The following ZNF804B variants were observed in gnomAD, a reference collection of about 807,000 sequenced individuals.
ZNF804B encodes the protein zinc finger protein 804B, also known as zinc finger 804B.
In ZNF804B, 80 loss-of-function variants were observed where a neutral mutation model predicts 101.4. The ratio of observed to expected loss-of-function variants is 0.79; its 90% CI spans 0.66 to 0.95. The LOEUF (loss-of-function observed/expected upper bound fraction) is 0.95. Ranked by LOEUF, ZNF804B falls within the 40% of genes least tolerant of loss-of-function variation. ZNF804B has a pLI of 0.00. For synonymous variants in ZNF804B, 622 were observed against 558.8 expected (o/e 1.11, Z -1.59); for missense variants, 1,673 against 1,561.9 (o/e 1.07, Z -1.20).
At chr7:89,130,632 A>G (rs1790533650) in intron 1 of ZNF804B, among the ~76,000 whole-genome samples, 2 of 152,002 alleles carry the variant, frequency 1.3e-5, no homozygotes, top group African/African-American at 2.4e-5. Flanking sequence ...ACATCTCCAA[A>G]TACAGCATTA....
intron 1 of ZNF804B, among the ~76,000 whole-genome samples, chr7:88,841,302 G>A (rs1409940943): frequency 6.6e-6 from 1 of 152,184 alleles, no homozygotes; most frequent in Non-Finnish European, 1.5e-5. Context: ...GACCAACAAT[G>A]TGACTTAGGG....
chr7:89,121,926 A>C (rs551603942), intron 1 of ZNF804B, among the ~76,000 whole-genome samples: 1 of 152,248 alleles, frequency 6.6e-6, no homozygotes, highest in African/African-American at 2.4e-5. Flanking sequence ...TGTAGGCAAT[A>C]GTTATTTGAA....
chr7:88,791,809 T>C (rs1562794435), intron 1 of ZNF804B, among the ~76,000 whole-genome samples: 1 of 152,134 alleles, frequency 6.6e-6, no homozygotes, highest in Non-Finnish European at 1.5e-5. Context: ...TGCTGCGTAA[T>C]CATTCACCCA....
chr7:88,764,140 A>C (rs915839784), intron 1 of ZNF804B, among the ~76,000 whole-genome samples: 1 of 152,212 alleles, frequency 6.6e-6, no homozygotes, highest in Non-Finnish European at 1.5e-5. Context: ...CTGAAATAGC[A>C]TCTCAAGTTT....
At chr7:89,127,277 GAGATGAGTAA>G (rs1418908271) in intron 1 of ZNF804B, among the ~76,000 whole-genome samples, 1 of 151,904 alleles carries the variant, frequency 6.6e-6, no homozygotes, top group Non-Finnish European at 1.5e-5. Context: ...AAAAAGAATT[GAGATGAGTAA>G]TCTTTGTTTG....
intron 1 of ZNF804B, among the ~76,000 whole-genome samples, chr7:89,108,415 T>A: frequency 6.6e-6 from 1 of 152,054 alleles, no homozygotes; most frequent in East Asian, 1.9e-4. Flanking sequence ...GCCATCTACA[T>A]ACATGAGGAG....
At chr7:89,047,024 A>C (rs1248405029) in intron 1 of ZNF804B, among the ~76,000 whole-genome samples, 1 of 152,134 alleles carries the variant, frequency 6.6e-6, no homozygotes, top group East Asian at 1.9e-4. Flanking sequence ...TCCTTAGGGC[A>C]GATAATTTTC....
intron 2 of ZNF804B, among the ~76,000 whole-genome samples, chr7:89,270,875 A>T (rs984083212): frequency 2.0e-5 from 3 of 152,150 alleles, no homozygotes; most frequent in African/African-American, 4.8e-5. Flanking sequence ...TTTGTCTGTT[A>T]TTGGTATATA....
At position 88,868,285 on chromosome 7, in the gene ZNF804B, C is replaced by T. The variant is rs114552462; in HGVS notation, c.108+108201C>T. Among the ~76,000 whole-genome samples the T allele has an allele frequency of 9.6e-3, 1,465 of 152,200 alleles. 18 individuals are homozygous for T. The highest frequency in any genetic ancestry group is 0.024 in the Middle Eastern group (7 of 294). On this transcript the variant is annotated intron_variant, in intron 1 of 3. Coordinates refer to ENST00000333190, the MANE Select transcript of ZNF804B (RefSeq NM_181646.5). ...AACTGGAATTACCTTCTCCAGTCCT[C>T]CTTGCTGCTCATTGAACAGCTCATG...
At chr7:89,210,063 C>T (rs562826067) in intron 1 of ZNF804B, among the ~76,000 whole-genome samples, 3 of 151,488 alleles carry the variant, frequency 2.0e-5, no homozygotes, top group African/African-American at 7.3e-5. Flanking sequence ...GCAGGAGAAT[C>T]GCTTGAACCG....
chr7:88,920,839 A>T (rs1297911568), intron 1 of ZNF804B, among the ~76,000 whole-genome samples: 1 of 152,098 alleles, frequency 6.6e-6, no homozygotes, highest in Non-Finnish European at 1.5e-5. Flanking sequence ...TTAAAATAAA[A>T]ATTAGATATC....
chr7:88,857,979 T>C (rs1265228443), intron 1 of ZNF804B, among the ~76,000 whole-genome samples: 1 of 151,910 alleles, frequency 6.6e-6, no homozygotes, highest in Non-Finnish European at 1.5e-5. Context: ...TGTGCCATCA[T>C]GCCCAGCTAA....
chr7:88,987,722 C>A (rs1793778799), intron 1 of ZNF804B, among the ~76,000 whole-genome samples: 1 of 151,918 alleles, frequency 6.6e-6, no homozygotes, highest in South Asian at 2.1e-4. Context: ...ATTGGGATAT[C>A]CATCACCCAA....
At chr7:88,802,151 C>T (rs1280028550) in intron 1 of ZNF804B, among the ~76,000 whole-genome samples, 3 of 152,082 alleles carry the variant, frequency 2.0e-5, no homozygotes, top group Non-Finnish European at 2.9e-5. Flanking sequence ...TCTGCTTCAC[C>T]TTCTGCCATG....
intron 3 of ZNF804B, 140 bp from the exon 4 acceptor site, chr7:89,333,223 G>A: frequency 2.4e-6 from 2 of 828,308 alleles, no homozygotes; most frequent in South Asian, 2.3e-5. Context: ...GCTATATAAG[G>A]ACAACAAAAG....
At chr7:89,083,532 A>T (rs1360038365) in intron 1 of ZNF804B, among the ~76,000 whole-genome samples, 1 of 121,932 alleles carries the variant, frequency 8.2e-6, no homozygotes, top group African/African-American at 2.8e-5. Context: ...ATTTTATAAT[A>T]TATATTCAGA....
At chr7:89,162,819 A>G (rs886824924) in intron 1 of ZNF804B, among the ~76,000 whole-genome samples, 1 of 65,324 alleles carries the variant, frequency 1.5e-5, no homozygotes, top group African/African-American at 6.0e-5. Flanking sequence ...CCCACCCCAC[A>G]ACAGTCCCCA....
intron 1 of ZNF804B, among the ~76,000 whole-genome samples, chr7:89,147,872 C>A (rs10808076): frequency 0.54 from 82,246 of 150,992 alleles, 22,723 homozygotes; most frequent in African/African-American, 0.62. Context: ...CAGGAAAACA[C>A]GCTCAGGGCT....
intron 1 of ZNF804B, among the ~76,000 whole-genome samples, chr7:89,196,400 G>A (rs1279606163): frequency 6.6e-6 from 1 of 152,134 alleles, no homozygotes; most frequent in Non-Finnish European, 1.5e-5. Context: ...TTTAATAAAT[G>A]GTGCTGGGAA....
Sources: allele counts gnomAD v4.1 joint callset (sites outside exome capture counted in the v4.1 genomes callset), GRCh38; gene constraint gnomAD v4.1.1; transcripts MANE v1.5; gene names NCBI Gene and HGNC (gene_info 2026-07-23, HGNC 2026-07-21).